The following SRPK2 variants were observed in gnomAD, a reference collection of about 807,000 sequenced individuals.
SRPK2 encodes SRSF protein kinase 2.
A neutral mutation model predicts 90.8 loss-of-function variants in SRPK2; 21 were observed. That is an observed-to-expected ratio of 0.23 (90% CI 0.16 to 0.33). The LOEUF is 0.33. Among genes scored for constraint, SRPK2 ranks in the 10% least tolerant of loss-of-function variants. The pLI, the probability that SRPK2 is intolerant of heterozygous loss-of-function variation, is 1.00. For missense variants in SRPK2, 620 were observed against 869.0 expected, an observed-to-expected ratio of 0.71 and a Z score of 3.60; for synonymous variants, 288 against 311.1, an observed-to-expected ratio of 0.93 and a Z score of 0.78.
At chr7:105,273,848 T>C (rs1036591940) in intron 2 of SRPK2, among the ~76,000 whole-genome samples, 7 of 152,220 alleles carry the variant, frequency 4.6e-5, no homozygotes, top group Non-Finnish European at 8.8e-5. Context: ...GTCAATCTAA[T>C]GTTAGTTACA....
intron 2 of SRPK2, among the ~76,000 whole-genome samples, chr7:105,386,934 A>G (rs374755788): frequency 8.5e-5 from 13 of 152,320 alleles, no homozygotes; most frequent in East Asian, 7.7e-4. Context: ...TGAGAGGAAA[A>G]GCTGAGTACT....
chr7:105,233,838 C>G (rs1799814870), intron 2 of SRPK2, among the ~76,000 whole-genome samples: 2 of 151,874 alleles, frequency 1.3e-5, no homozygotes, highest in South Asian at 4.2e-4. Context: ...GGCGACACAG[C>G]AAGACTCCGT....
chr7:105,226,346 G>C (rs540774750), intron 2 of SRPK2, among the ~76,000 whole-genome samples: 1 of 152,088 alleles, frequency 6.6e-6, no homozygotes, highest in African/African-American at 2.4e-5. Flanking sequence ...TTGGAGTGCA[G>C]TGGCACAAAT....
upstream of SRPK2, among the ~76,000 whole-genome samples, chr7:105,393,780 T>A (rs1326792086): frequency 1.3e-5 from 2 of 152,158 alleles, no homozygotes; most frequent in African/African-American, 2.4e-5. Context: ...AAAACATTTC[T>A]GCGCCAGATG....
At chr7:105,232,374 G>A (rs375737576) in intron 2 of SRPK2, among the ~76,000 whole-genome samples, 4 of 150,604 alleles carry the variant, frequency 2.7e-5, no homozygotes, top group Admixed American at 2.0e-4. Flanking sequence ...CAGGAGAATC[G>A]CTTGAACACG....
chr7:105,373,986 G>A (rs1204210206), intron 2 of SRPK2, among the ~76,000 whole-genome samples: 1 of 152,176 alleles, frequency 6.6e-6, no homozygotes, highest in African/African-American at 2.4e-5. Flanking sequence ...GGAGTGCAGT[G>A]GCATGATCTT....
At chr7:105,170,745 G>GAGGAAGGGAGGAAGGAAGGAAGGA (rs1790720546) in intron 3 of SRPK2, among the ~76,000 whole-genome samples, 1 of 45,538 alleles carries the variant, frequency 2.2e-5, no homozygotes, top group Non-Finnish European at 3.8e-5. Flanking sequence ...GGAAGAAAGG[G>GAGGAAGGGAGGAAGGAAGGAAGGA]AGGAAGGAAG....
intron 15 of SRPK2, among the ~76,000 whole-genome samples, chr7:105,119,294 C>T (rs1465404060): frequency 1.3e-5 from 2 of 152,048 alleles, no homozygotes; most frequent in Non-Finnish European, 2.9e-5. Context: ...TCTGTTTCAC[C>T]CATTTATTCG....
intron 2 of SRPK2, among the ~76,000 whole-genome samples, chr7:105,232,165 T>C (rs954644745): frequency 2.0e-5 from 3 of 152,210 alleles, no homozygotes; most frequent in African/African-American, 7.2e-5. Context: ...CTAAAATTTA[T>C]TTTTAAGATC....
intron 2 of SRPK2, among the ~76,000 whole-genome samples, chr7:105,275,480 CTT>C (rs1806369638): frequency 6.6e-6 from 1 of 152,092 alleles, no homozygotes; most frequent in African/African-American, 2.4e-5. Context: ...CCTCATAACT[CTT>C]TTATTCTTGT....
chr7:105,372,084 G>A (rs892543665), intron 2 of SRPK2, among the ~76,000 whole-genome samples: 2 of 143,468 alleles, frequency 1.4e-5, no homozygotes, highest in African/African-American at 5.2e-5. Context: ...GCAGTGAGCC[G>A]AGATAGCGCC....
intron 2 of SRPK2, among the ~76,000 whole-genome samples, chr7:105,224,828 A>G (rs1798520549): frequency 6.6e-6 from 1 of 152,212 alleles, no homozygotes; most frequent in African/African-American, 2.4e-5. Context: ...TTAGTATTCA[A>G]AGTGAACAAA....
chr7:105,170,909 A>AAGG (rs1324573713), intron 3 of SRPK2, among the ~76,000 whole-genome samples: 28 of 125,310 alleles, frequency 2.2e-4, no homozygotes, highest in African/African-American at 8.0e-4. Context: ...GAAAGAAAGA[A>AAGG]AGAAAGGAGA....
chr7:105,250,481 C>T (rs999190514), intron 2 of SRPK2, among the ~76,000 whole-genome samples: 3 of 152,048 alleles, frequency 2.0e-5, no homozygotes, highest in African/African-American at 7.2e-5. Context: ...AGAAGTATGT[C>T]ATCAGTCACT....
chr7:105,288,491 G>C (rs1808481112), intron 2 of SRPK2, among the ~76,000 whole-genome samples: 1 of 152,020 alleles, frequency 6.6e-6, no homozygotes, highest in Admixed American at 6.6e-5. Flanking sequence ...CTACTTGGGA[G>C]GCTGAGCCAG....
At chr7:105,391,141 CTA>C (rs2132901171), upstream of SRPK2, among the ~76,000 whole-genome samples, 1 of 152,256 alleles carries the variant, frequency 6.6e-6, no homozygotes, top group Admixed American at 6.5e-5. Flanking sequence ...CAAAGCAAAA[CTA>C]TAATGAGCTA....
At chr7:105,359,401 G>A (rs147893399) in intron 2 of SRPK2, among the ~76,000 whole-genome samples, 1 of 151,944 alleles carries the variant, frequency 6.6e-6, no homozygotes, top group East Asian at 1.9e-4. Flanking sequence ...CTTGTGATCT[G>A]CCCTCCTTGG....
At chr7:105,207,851 T>C (rs1796395302) in intron 2 of SRPK2, among the ~76,000 whole-genome samples, 1 of 152,194 alleles carries the variant, frequency 6.6e-6, no homozygotes, top group South Asian at 2.1e-4. Context: ...ATCAAGAAAA[T>C]TTAAAGGCCA....
chr7:105,277,238 G>A (rs1017455045), intron 2 of SRPK2, among the ~76,000 whole-genome samples: 3 of 151,948 alleles, frequency 2.0e-5, no homozygotes, highest in South Asian at 2.1e-4. Context: ...TACCACGTCC[G>A]GCTAATTTTT....
Sources: allele counts gnomAD v4.1 joint callset (sites outside exome capture counted in the v4.1 genomes callset), GRCh38; gene constraint gnomAD v4.1.1; transcripts MANE v1.5; gene names NCBI Gene and HGNC (gene_info 2026-07-23, HGNC 2026-07-21).